Variants in ADORA2B observed in about 807,000 individuals in gnomAD.
The protein encoded by ADORA2B is adenosine receptor A2b.
Under a neutral mutation model 20.8 loss-of-function variants are expected in ADORA2B, and 18 were observed. That is an observed-to-expected ratio of 0.87 (90% CI 0.60 to 1.29). The LOEUF (loss-of-function observed/expected upper bound fraction) is 1.29. Ranked by LOEUF, ADORA2B falls within the 50% of genes most tolerant of loss-of-function variation. ADORA2B has a pLI of 0.00. For synonymous variants in ADORA2B, 179 were observed against 178.3 expected (o/e 1.00, Z -0.03); for missense variants, 441 against 422.7 (o/e 1.04, Z -0.38).
the ADORA2B span, among the ~76,000 whole-genome samples, chr17:15,878,344 G>T: frequency 3.9e-5 from 6 of 152,164 alleles, no homozygotes; most frequent in Non-Finnish European, 7.3e-5. Flanking sequence ...TGGACTTGCT[G>T]TTCCCTTCTG....
At chr17:15,930,823 C>T in the ADORA2B span, among the ~76,000 whole-genome samples, 1 of 152,196 alleles carries the variant, frequency 6.6e-6, no homozygotes, top group South Asian at 2.1e-4. Flanking sequence ...ATTAAAATGT[C>T]CATATTTTTT....
the ADORA2B span, among the ~76,000 whole-genome samples, chr17:15,926,051 T>C: frequency 1.3e-5 from 2 of 152,192 alleles, no homozygotes; most frequent in Admixed American, 1.3e-4. Context: ...TTTTTTCTGC[T>C]TATACAAACT....
the ADORA2B span, among the ~76,000 whole-genome samples, chr17:15,925,380 C>T: frequency 6.6e-6 from 1 of 152,078 alleles, no homozygotes; most frequent in African/African-American, 2.4e-5. Flanking sequence ...AACTCCTGGC[C>T]TCAAGCGATC....
the ADORA2B span, among the ~76,000 whole-genome samples, chr17:15,890,899 T>C: frequency 6.6e-6 from 1 of 152,248 alleles, no homozygotes; most frequent in Non-Finnish European, 1.5e-5. Flanking sequence ...GCCCAAGGGC[T>C]GTGCTCTCCA....
Position 15,962,994 on chromosome 17 carries a change from G to A in ADORA2B, c.336-11685G>A, listed in dbSNP as rs1022480892. ...TACTAGCCATTTTCCAAAGAGTCTT[G>A]GTTCCTTTTAGTGGAGAATTATATA... On this transcript the variant is annotated intron_variant, in intron 1 of 1. Coordinates refer to ENST00000304222, the MANE Select transcript of ADORA2B (RefSeq NM_000676.4). 1.3e-5 allele frequency among the ~76,000 whole-genome samples: 2 copies of A among 152,100 alleles called. 1 individual carries two copies. The highest frequency in any genetic ancestry group is 4.1e-4 in the South Asian group (2 of 4,826).
intron 1 of ADORA2B, among the ~76,000 whole-genome samples, chr17:15,961,531 A>G (rs114559066): frequency 0.024 from 3,635 of 152,292 alleles, 148 homozygotes; most frequent in African/African-American, 0.082. Context: ...CTGTAAGGGT[A>G]TGTTTTCCCC....
the ADORA2B span, among the ~76,000 whole-genome samples, chr17:15,860,351 C>T: frequency 7.2e-5 from 11 of 152,226 alleles, no homozygotes; most frequent in African/African-American, 2.4e-4. Flanking sequence ...TTGAACCGGG[C>T]CCTGTGGCTG....
chr17:15,883,739 T>A, the ADORA2B span, among the ~76,000 whole-genome samples: 1 of 152,140 alleles, frequency 6.6e-6, no homozygotes, highest in Non-Finnish European at 1.5e-5. Flanking sequence ...TTTGGCAGAA[T>A]CCGTCAAAAT....
rs1339245636 is a variant in ADORA2B, at chr17:15,975,601, ACT to A, written c.*262_*263del. ...CAACAGCTTGAATGGATTCTAACAG[ACT>A]CTTTTGTTTTTAAAAGTCTGCCTTG... On this transcript the variant is annotated 3_prime_UTR_variant, in exon 2 of 2. Coordinates refer to ENST00000304222, the MANE Select transcript of ADORA2B (RefSeq NM_000676.4). 4 of 443,252 alleles carry A rather than the reference ACT, an allele frequency of 9.0e-6. No homozygotes were observed. The highest frequency in any genetic ancestry group is 6.0e-5 in the African/African-American group (3 of 49,924). The allele number at this position is 443,252 out of a possible 1,614,324, so 27.5% of individuals were successfully genotyped here. A position where few individuals can be genotyped will look rare whatever the true frequency, so the allele number is the denominator to read the frequency against.
chr17:15,951,364 G>A (rs1277952438), intron 1 of ADORA2B, among the ~76,000 whole-genome samples: 2 of 152,192 alleles, frequency 1.3e-5, no homozygotes, highest in East Asian at 3.9e-4. Context: ...TGGCCCATGG[G>A]CCCTGGCTCC....
At chr17:15,890,535 A>G in the ADORA2B span, among the ~76,000 whole-genome samples, 265 of 151,044 alleles carry the variant, frequency 1.8e-3, 2 homozygotes, top group African/African-American at 6.1e-3. Context: ...TTCTTTCCCC[A>G]GGATTATAAT....
the ADORA2B span, among the ~76,000 whole-genome samples, chr17:15,905,374 GT>G: frequency 3.3e-5 from 5 of 151,866 alleles, no homozygotes. Context: ...CAGTTGACTT[GT>G]TGTTGTTGTT....
the ADORA2B span, among the ~76,000 whole-genome samples, chr17:15,930,970 T>C: frequency 6.6e-6 from 1 of 152,068 alleles, no homozygotes; most frequent in African/African-American, 2.4e-5. Context: ...CTAAGAAAAT[T>C]TGGAATAAGA....
intron 1 of ADORA2B, among the ~76,000 whole-genome samples, chr17:15,966,060 A>G (rs1444043291): frequency 6.6e-6 from 1 of 152,256 alleles, no homozygotes; most frequent in Non-Finnish European, 1.5e-5. Context: ...CATGTTTCAC[A>G]GAAGTCCTGT....
chr17:15,862,491 G>T, the ADORA2B span, among the ~76,000 whole-genome samples: 1 of 152,094 alleles, frequency 6.6e-6, no homozygotes, highest in Non-Finnish European at 1.5e-5. Flanking sequence ...GATTGCAGGT[G>T]TGAGCCTCCA....
At chr17:15,927,895 T>A in the ADORA2B span, among the ~76,000 whole-genome samples, 15 of 152,172 alleles carry the variant, frequency 9.9e-5, no homozygotes, top group East Asian at 2.5e-3. Flanking sequence ...CAGGGAAATA[T>A]AGAAGCCTAA....
At chr17:15,913,275 A>T in the ADORA2B span, among the ~76,000 whole-genome samples, 56 of 152,374 alleles carry the variant, frequency 3.7e-4, no homozygotes, top group Non-Finnish European at 6.9e-4. Flanking sequence ...AAAATGCTAC[A>T]GCCTAATGTG....
At chr17:15,918,631 C>T in the ADORA2B span, among the ~76,000 whole-genome samples, 4 of 152,032 alleles carry the variant, frequency 2.6e-5, no homozygotes, top group African/African-American at 9.7e-5. Flanking sequence ...GCCACCACGC[C>T]CGTTTGATTT....
At chr17:15,902,132 C>G in the ADORA2B span, among the ~76,000 whole-genome samples, 1 of 152,010 alleles carries the variant, frequency 6.6e-6, no homozygotes, top group African/African-American at 2.4e-5. Flanking sequence ...TGGGATTTGT[C>G]TTTTTGTGAG....
Sources: gnomAD v4.1 joint callset for allele counts (sites outside exome capture counted in the v4.1 genomes callset) on GRCh38, gnomAD v4.1.1 for gene constraint, MANE v1.5 for transcripts, NCBI Gene and HGNC (gene_info 2026-07-23, HGNC 2026-07-21) for gene names.